Variants in LOC128125822 observed in about 807,000 individuals in gnomAD.
At chr6:63,582,167 T>TG in the LOC128125822 span, 1 of 152,080 alleles carries the variant, frequency 6.6e-6, no homozygotes, top group Non-Finnish European at 1.5e-5. Context: ...CACAAATTTT[T>TG]GGCTAATTTT....
the LOC128125822 span, among the ~76,000 whole-genome samples, chr6:63,577,554 A>G: frequency 6.6e-6 from 1 of 152,036 alleles, no homozygotes; most frequent in Non-Finnish European, 1.5e-5. Context: ...CATAATGGAA[A>G]TACTTTTTTT....
At chr6:63,578,508 G>A in the LOC128125822 span, 1 of 1,612,024 alleles carries the variant, frequency 6.2e-7, no homozygotes, top group Non-Finnish European at 8.5e-7. Flanking sequence ...CTCTTGTGGA[G>A]AAAGAAGGTA....
At chr6:63,579,039 T>C in the LOC128125822 span, 11 of 1,562,938 alleles carry the variant, frequency 7.0e-6, no homozygotes, top group Non-Finnish European at 9.5e-6. Context: ...GTAAATGAAT[T>C]TATCAATTTG....
the LOC128125822 span, among the ~76,000 whole-genome samples, chr6:63,572,973 C>T: frequency 6.6e-6 from 1 of 152,212 alleles, no homozygotes; most frequent in East Asian, 1.9e-4. Flanking sequence ...GCTTTTGAGT[C>T]CCTCCCGAGC....
At chr6:63,580,013 G>A in the LOC128125822 span, 5 of 1,413,416 alleles carry the variant, frequency 3.5e-6, no homozygotes, top group Non-Finnish European at 4.9e-6. Context: ...TATTACTGTA[G>A]GGGGCTTTTG....
the LOC128125822 span, chr6:63,578,564 C>G: frequency 6.3e-7 from 1 of 1,587,546 alleles, no homozygotes; most frequent in South Asian, 1.2e-5. Context: ...GTTTATGGTG[C>G]TGTGCTACAA....
the LOC128125822 span, among the ~76,000 whole-genome samples, chr6:63,579,709 T>C: frequency 6.6e-6 from 1 of 152,174 alleles, no homozygotes; most frequent in African/African-American, 2.4e-5. Context: ...ATATTTTGAG[T>C]GCTGTAGAAC....
chr6:63,579,232 T>C, the LOC128125822 span: 1 of 1,575,972 alleles, frequency 6.3e-7, no homozygotes, highest in East Asian at 2.3e-5. Flanking sequence ...GAAAAAACTA[T>C]TTATCAAAAT....
chr6:63,580,115 A>C, the LOC128125822 span: 1 of 1,613,706 alleles, frequency 6.2e-7, no homozygotes, highest in Non-Finnish European at 8.5e-7. Flanking sequence ...GTATCGTCCT[A>C]AAATGCGGCT....
At chr6:63,579,420 C>A in the LOC128125822 span, 2 of 901,790 alleles carry the variant, frequency 2.2e-6, no homozygotes, top group Non-Finnish European at 3.2e-6. Context: ...CCCATTTAAT[C>A]ATTATGATTA....
the LOC128125822 span, chr6:63,580,315 T>C: frequency 2.9e-6 from 2 of 694,482 alleles, no homozygotes; most frequent in East Asian, 2.5e-5. Context: ...GGCCTCAAGC[T>C]AGACAGATTT....
At chr6:63,580,151 A>T in the LOC128125822 span, 1 of 1,612,308 alleles carries the variant, frequency 6.2e-7, no homozygotes, top group Non-Finnish European at 8.5e-7. Flanking sequence ...CAACGGTCAT[A>T]GAAACAACTG....
the LOC128125822 span, chr6:63,573,535 G>C: frequency 6.6e-6 from 1 of 152,260 alleles, no homozygotes; most frequent in Non-Finnish European, 1.5e-5. Flanking sequence ...GGCGCACACA[G>C]CCGCGTGCGC....
At chr6:63,579,931 T>C in the LOC128125822 span, 4 of 688,594 alleles carry the variant, frequency 5.8e-6, no homozygotes, top group Middle Eastern at 2.5e-4. Flanking sequence ...CCTTTCTGCA[T>C]CAGGTCACAG....
the LOC128125822 span, chr6:63,581,753 C>G: frequency 6.6e-6 from 1 of 152,274 alleles, no homozygotes; most frequent in South Asian, 2.1e-4. Flanking sequence ...CTCAGTTCCA[C>G]TAGTTCATGG....
At chr6:63,577,038 A>T in the LOC128125822 span, 1 of 1,372,250 alleles carries the variant, frequency 7.3e-7, no homozygotes, top group Non-Finnish European at 1.0e-6. Context: ...TAATAGTGGG[A>T]CTTATAGCTA....
chr6:63,578,722 C>T, the LOC128125822 span, among the ~76,000 whole-genome samples: 122 of 152,200 alleles, frequency 8.0e-4, no homozygotes, highest in African/African-American at 2.8e-3. Flanking sequence ...AGTTGTGAAA[C>T]ATTTTTGTAA....
At chr6:63,578,377 A>G in the LOC128125822 span, 1 of 1,530,388 alleles carries the variant, frequency 6.5e-7, no homozygotes, top group South Asian at 1.3e-5. Context: ...AGAATATAAA[A>G]TGTTGAGTTA....
chr6:63,581,967 T>C, the LOC128125822 span: 1 of 152,306 alleles, frequency 6.6e-6, no homozygotes, highest in South Asian at 2.1e-4. Context: ...ATAGCAGTTA[T>C]AAATGTAAAG....
Sources: gnomAD v4.1 joint callset for allele counts (sites outside exome capture counted in the v4.1 genomes callset) on GRCh38, gnomAD v4.1.1 for gene constraint, MANE v1.5 for transcripts.